Variants in STRN observed in about 807,000 individuals in gnomAD.
The protein encoded by STRN is protein phosphatase 2 regulatory subunit B'''alpha.
In STRN, 53 loss-of-function variants were observed where a neutral mutation model predicts 96.3. The ratio of observed to expected loss-of-function variants is 0.55; its 90% CI spans 0.44 to 0.69. The LOEUF (loss-of-function observed/expected upper bound fraction) is 0.69, where lower values mean the gene tolerates loss of function less well. Ranked by LOEUF, STRN falls within the 30% of genes least tolerant of loss-of-function variation. The pLI is 0.00. For synonymous variants in STRN, 428 were observed against 355.9 expected (o/e 1.20, Z -2.28); for missense variants, 987 against 963.9 (o/e 1.02, Z -0.32).
intron 7 of STRN, among the ~76,000 whole-genome samples, chr2:36,891,162 C>G (rs1669386453): frequency 6.6e-6 from 1 of 152,196 alleles, no homozygotes; most frequent in African/African-American, 2.4e-5. Context: ...TCGAATTTCA[C>G]ATCAGGGATA....
At chr2:36,955,712 C>G (rs1159029934) in intron 1 of STRN, among the ~76,000 whole-genome samples, 2 of 152,208 alleles carry the variant, frequency 1.3e-5, no homozygotes, top group Non-Finnish European at 2.9e-5. Context: ...CATCTCTAGC[C>G]TGTCCCCTAC....
chr2:36,860,745 C>G (rs2148136748), intron 13 of STRN, among the ~76,000 whole-genome samples: 1 of 152,098 alleles, frequency 6.6e-6, no homozygotes, highest in South Asian at 2.1e-4. Context: ...AATAATTGAC[C>G]AAGGGGATGG....
chr2:36,919,278 ATAAGGGCTAC>A (rs1670186678), intron 2 of STRN, among the ~76,000 whole-genome samples: 1 of 152,228 alleles, frequency 6.6e-6, no homozygotes, highest in South Asian at 2.1e-4. Flanking sequence ...TGTAAGAGCT[ATAAGGGCTAC>A]TAGCAAGTAT....
At chr2:36,930,668 A>T (rs1471560438) in intron 1 of STRN, among the ~76,000 whole-genome samples, 1 of 152,090 alleles carries the variant, frequency 6.6e-6, no homozygotes, top group Non-Finnish European at 1.5e-5. Context: ...CACAGTTAGG[A>T]GGCCAAAAAC....
chr2:36,919,502 G>A (rs1356521304), intron 2 of STRN, among the ~76,000 whole-genome samples: 1 of 151,982 alleles, frequency 6.6e-6, no homozygotes, highest in Non-Finnish European at 1.5e-5. Context: ...CACACACAGT[G>A]GGTCAAAAAA....
chr2:36,949,313 CTGT>C (rs539132935), intron 1 of STRN, among the ~76,000 whole-genome samples: 64 of 152,252 alleles, frequency 4.2e-4, no homozygotes, highest in African/African-American at 1.1e-3. Flanking sequence ...GAACATATCC[CTGT>C]TGTTAAGTAA....
intron 1 of STRN, among the ~76,000 whole-genome samples, chr2:36,953,751 A>C (rs1263256697): frequency 2.6e-5 from 4 of 152,224 alleles, no homozygotes; most frequent in Non-Finnish European, 4.4e-5. Context: ...AAGTGATCTT[A>C]TTTTGTCAAA....
At chr2:36,909,396 T>C (rs767504435) in intron 3 of STRN, among the ~76,000 whole-genome samples, 3 of 152,148 alleles carry the variant, frequency 2.0e-5, no homozygotes, top group Non-Finnish European at 2.9e-5. Context: ...TGCTATTTCC[T>C]GTCAAATTAG....
chr2:36,885,079 T>C (rs147582240), intron 8 of STRN, among the ~76,000 whole-genome samples: 180 of 152,262 alleles, frequency 1.2e-3, no homozygotes, highest in South Asian at 7.9e-3. Context: ...GTGCTAGATG[T>C]CTGAACACAT....
chr2:36,907,674 G>T (rs1173133438), intron 3 of STRN, among the ~76,000 whole-genome samples: 2 of 152,140 alleles, frequency 1.3e-5, no homozygotes, highest in East Asian at 3.8e-4. Context: ...GAAAGCTTGA[G>T]TTTTGGAAGG....
chr2:36,950,523 T>C (rs1572697042), intron 1 of STRN, among the ~76,000 whole-genome samples: 2 of 152,290 alleles, frequency 1.3e-5, no homozygotes, highest in Non-Finnish European at 2.9e-5. Context: ...AAAACTAAAA[T>C]GGCATGGCAA....
chr2:36,943,752 C>T (rs921155835), intron 1 of STRN, among the ~76,000 whole-genome samples: 5 of 151,366 alleles, frequency 3.3e-5, no homozygotes, highest in Non-Finnish European at 7.4e-5. Flanking sequence ...TGCAGTGAGC[C>T]GAGATCCTGA....
intron 9 of STRN, among the ~76,000 whole-genome samples, chr2:36,878,802 G>A (rs1668989667): frequency 6.6e-6 from 1 of 151,844 alleles, no homozygotes; most frequent in Admixed American, 6.6e-5. Flanking sequence ...ACCCAGGCTG[G>A]AGTGCAGTGG....
chr2:36,966,385 G>A lies in STRN; in HGVS notation c.79C>T (p.Leu27=), dbSNP rs1277214701. The change falls in exon 1 of 18, where the codon CTG becomes TTG. Residue 27 remains leucine, a synonymous_variant. Transcript: ENST00000263918. ...GAGGAKGLGP[L]AEAAAAGDGA... ...TCGCCGGCCGCGGCAGCCTCCGCCA[G>A]AGGCCCGAGCCCCTTGGCACCGCCG... The A allele has an allele frequency of 1.8e-5, 27 of 1,461,674 alleles. No individual in the cohort carries two copies. The highest frequency in any genetic ancestry group is 2.7e-5 in the South Asian group (2 of 74,450). 90.5% of individuals were successfully genotyped at this position (1,461,674 alleles called of 1,614,324 possible). A position where few individuals can be genotyped will look rare whatever the true frequency, so the allele number is the denominator to read the frequency against.
intron 12 of STRN, among the ~76,000 whole-genome samples, chr2:36,863,480 T>G (rs1384879258): frequency 6.6e-6 from 1 of 152,210 alleles, no homozygotes; most frequent in Non-Finnish European, 1.5e-5. Context: ...TAGACGGTTA[T>G]AAGTGTGCAG....
intron 1 of STRN, among the ~76,000 whole-genome samples, chr2:36,925,709 G>T (rs183537591): frequency 6.6e-6 from 1 of 152,232 alleles, no homozygotes; most frequent in African/African-American, 2.4e-5. Context: ...GGAGGCAGGG[G>T]TTGCAGTAAG....
chr2:36,913,449 T>C (rs74458307), intron 3 of STRN, among the ~76,000 whole-genome samples: 2,518 of 152,320 alleles, frequency 0.017, 72 homozygotes, highest in African/African-American at 0.058. Context: ...GTCAGTTTAC[T>C]TGCCCTGGTT....
rs1223165967 is a variant in STRN at position 36,842,178 on chromosome 2, G to A, written c.*7278C>T. 3 of 152,100 alleles carry A rather than the reference G, an allele frequency of 2.0e-5. No individual in the cohort carries two copies. Among genetic ancestry groups the A allele is most frequent in the African/African-American group, 4.8e-5 (2 of 41,412 alleles). 9.4% of individuals were successfully genotyped at this position (152,100 alleles called of 1,614,324 possible). ...CTACAACTCACGATTAATGTAAAAC[G>A]TTGCTTTCCATGTGCTTTTTTTTCT... On this transcript the variant is annotated 3_prime_UTR_variant, in exon 18 of 18. Coordinates refer to ENST00000263918, the MANE Select transcript of STRN (RefSeq NM_003162.4).
chr2:36,959,321 G>A (rs1395676631), intron 1 of STRN, among the ~76,000 whole-genome samples: 1 of 152,182 alleles, frequency 6.6e-6, no homozygotes, highest in East Asian at 1.9e-4. Flanking sequence ...AGTTTAAATG[G>A]TACAGTGTAT....
Sources: allele counts gnomAD v4.1 joint callset (sites outside exome capture counted in the v4.1 genomes callset), GRCh38; gene constraint gnomAD v4.1.1; transcripts MANE v1.5; gene names NCBI Gene and HGNC (gene_info 2026-07-23, HGNC 2026-07-21).